EIF2AK4: variants seen among roughly 807,000 people sequenced by gnomAD.
The protein encoded by EIF2AK4 is eIF-2-alpha kinase GCN2.
A neutral mutation model predicts 211.1 loss-of-function variants in EIF2AK4; 139 were observed. The ratio of observed to expected loss-of-function variants is 0.66; its 90% confidence interval spans 0.57 to 0.76. The LOEUF (loss-of-function observed/expected upper bound fraction) is 0.76, where lower values mean the gene tolerates loss of function less well. EIF2AK4 is among the 30% of genes least tolerant of loss of function. The pLI, the probability that EIF2AK4 is intolerant of heterozygous loss-of-function variation, is 0.00. For missense variants in EIF2AK4, 1,664 were observed against 2,043.8 expected (o/e 0.81, Z 3.58); for synonymous variants, 710 against 751.3 (o/e 0.94, Z 0.90).
At chr15:39,987,057 C>T (rs2140925417) in intron 14 of EIF2AK4, among the ~76,000 whole-genome samples, 1 of 152,288 alleles carries the variant, frequency 6.6e-6, no homozygotes, top group South Asian at 2.1e-4. Context: ...ATTTGCTTTC[C>T]TGGAGTTGGA....
rs372637398 is a variant in EIF2AK4 at position 40,032,178 on chromosome 15, C to T, written c.4669C>T (p.Arg1557Ter). 16 of 1,613,798 alleles carry T rather than the reference C, an allele frequency of 9.9e-6. No individual in the cohort carries two copies. Among genetic ancestry groups the T allele is most frequent in the Non-Finnish European group, 1.4e-5 (16 of 1,179,814 alleles). Residue 1557 changes from arginine (R) to a stop codon, truncating the protein, a stop_gained, in exon 36 of 39, where the codon CGA becomes TGA. Coordinates refer to ENST00000263791, the MANE Select transcript of EIF2AK4 (RefSeq NM_001013703.4). LOFTEE classifies it high-confidence loss of function. ...TTTTCTTACTATTTAGGTACAAACTCGACTTCAGACCTCCCTTGCCAACTT... is the reference window on the plus strand; with the variant it reads ...TTTTCTTACTATTTAGGTACAAACTTGACTTCAGACCTCCCTTGCCAACTT... ...RRRYETQVQT[R>*]LQTSLANLHQ...
At chr15:40,017,393 A>G (rs1304950064) in intron 29 of EIF2AK4, 151 bp downstream of exon 29, 14 of 985,412 alleles carry the variant, frequency 1.4e-5, no homozygotes, top group African/African-American at 3.3e-5. Flanking sequence ...GAATAGAAAT[A>G]TAATGTGAAC....
intron 29 of EIF2AK4, among the ~76,000 whole-genome samples, chr15:40,018,691 ATTTAAC>A (rs1356948621): frequency 6.6e-6 from 1 of 152,236 alleles, no homozygotes; most frequent in Admixed American, 6.5e-5. Flanking sequence ...AATATATCTT[ATTTAAC>A]TTAGTATATC....
At chr15:39,991,971 C>A (rs927876120) in intron 16 of EIF2AK4, 3 of 472,480 alleles carry the variant, frequency 6.3e-6, no homozygotes, top group Admixed American at 7.2e-5. Context: ...TGATTGCCCC[C>A]CTCCCTCTTG....
intron 3 of EIF2AK4, among the ~76,000 whole-genome samples, chr15:39,946,275 ACAT>A (rs1478829536): frequency 6.6e-6 from 1 of 152,234 alleles, no homozygotes; most frequent in Non-Finnish European, 1.5e-5. Flanking sequence ...GGGGGTCAAA[ACAT>A]CAACATGAAC....
intron 18 of EIF2AK4, 31 bp downstream of exon 18, chr15:39,992,879 A>C: frequency 8.1e-6 from 13 of 1,600,244 alleles, no homozygotes; most frequent in Non-Finnish European, 1.0e-5. Flanking sequence ...AAGGAATCTC[A>C]AAATTAAGGT....
intron 27 of EIF2AK4, among the ~76,000 whole-genome samples, chr15:40,015,979 G>T (rs1439985857): frequency 6.6e-6 from 1 of 152,228 alleles, no homozygotes; most frequent in African/African-American, 2.4e-5. Context: ...CTGGCATCCA[G>T]GTGGGAGGAG....
In EIF2AK4 at chr15:39,985,786, T is replaced by C; in HGVS notation, c.2320-19T>C. ...TTTTGGCCTCCATTTTGAGTTATTG[T>C]GTGTTCGTCTTGGGTTAGGATGAAG... is the stretch of plus-strand genomic sequence containing the variant. On this transcript the variant is annotated intron_variant, in intron 13 of 38. Transcript: ENST00000263791. The C allele has an allele frequency of 2.5e-6, 4 of 1,613,612 alleles. No homozygotes were observed. The highest frequency in any genetic ancestry group is 2.2e-5 in the South Asian group (2 of 90,984).
chr15:39,945,927 T>G (rs2034221585), intron 3 of EIF2AK4, among the ~76,000 whole-genome samples: 1 of 152,198 alleles, frequency 6.6e-6, no homozygotes, highest in Non-Finnish European at 1.5e-5. Flanking sequence ...CTGAGTATTT[T>G]AAGATCATTG....
At chr15:39,978,757 G>T (rs568699261) in intron 13 of EIF2AK4, among the ~76,000 whole-genome samples, 7 of 152,200 alleles carry the variant, frequency 4.6e-5, no homozygotes, top group African/African-American at 1.7e-4. Context: ...TTTTGAGATT[G>T]TGCTGTTTTT....
At chr15:39,955,504 C>A (rs2034377370) in intron 5 of EIF2AK4, 116 bp from the exon 6 acceptor site, 2 of 1,018,464 alleles carry the variant, frequency 2.0e-6, no homozygotes, top group East Asian at 2.8e-5. Flanking sequence ...AATTTTATTT[C>A]ACTTGTAAAC....
rs558320996 is a variant in EIF2AK4, at chr15:39,987,871, C to T, written c.2404-112C>T. The T allele has an allele frequency of 1.0e-3, 1,239 of 1,214,240 alleles. 1 individual carries two copies. The highest frequency in any genetic ancestry group is 2.0e-3 in the Middle Eastern group (10 of 4,948). The allele number at this position is 1,214,240 out of a possible 1,614,324, so 75.2% of individuals were successfully genotyped here. A position where few individuals can be genotyped will look rare whatever the true frequency, so the allele number is the denominator to read the frequency against. On this transcript the variant is annotated intron_variant, in intron 14 of 38. Transcript: ENST00000263791. ...TAGAAAACCAAGTCTTTCCCCTAAC[C>T]GTTTAAAACCCATGGTACACGTTTT...
At chr15:39,989,250 T>G (rs188119974) in intron 15 of EIF2AK4, among the ~76,000 whole-genome samples, 47 of 152,354 alleles carry the variant, frequency 3.1e-4, no homozygotes, top group African/African-American at 1.1e-3. Flanking sequence ...GCTTACATTT[T>G]TAAAATGAGA....
intron 22 of EIF2AK4, 29 bp from the exon 23 acceptor site, chr15:40,003,164 G>T (rs199774603): frequency 1.3e-4 from 204 of 1,611,692 alleles, no homozygotes; most frequent in Non-Finnish European, 1.5e-4. Flanking sequence ...TGAACCTGAT[G>T]ATGAGCTATT....
chr15:39,958,162 A>G (rs1011352830), intron 6 of EIF2AK4, among the ~76,000 whole-genome samples: 2 of 152,232 alleles, frequency 1.3e-5, no homozygotes, highest in African/African-American at 4.8e-5. Context: ...TAGTCCCCCC[A>G]ACCCACTGCC....
intron 21 of EIF2AK4, 72 bp from the exon 22 acceptor site, chr15:40,002,641 C>A: frequency 2.6e-6 from 4 of 1,525,114 alleles, no homozygotes; most frequent in Non-Finnish European, 3.6e-6. Context: ...CTACTGCAAG[C>A]CACAGATTAA....
chr15:39,998,711 A>T lies in EIF2AK4; in HGVS notation c.2869-20A>T, dbSNP rs1186650540. Reference sequence around the variant, plus strand: ...GTGGCAGTCTGCCAAAACCTTGCTGATTTGAATATATTTTTTTAGCCCACT... The same window carrying T: ...GTGGCAGTCTGCCAAAACCTTGCTGTTTTGAATATATTTTTTTAGCCCACT... On this transcript the variant is annotated intron_variant, in intron 19 of 38. Coordinates refer to ENST00000263791, the MANE Select transcript of EIF2AK4 (RefSeq NM_001013703.4). 6.2e-7 allele frequency: 1 copy of T among 1,607,944 alleles called. No individual in the cohort carries two copies. Among genetic ancestry groups the T allele is most frequent in the Admixed American group, 1.7e-5 (1 of 59,648 alleles).
chr15:39,971,251 T>G (rs1177131350), intron 9 of EIF2AK4, among the ~76,000 whole-genome samples: 1 of 152,100 alleles, frequency 6.6e-6, no homozygotes, highest in African/African-American at 2.4e-5. Flanking sequence ...CAGCAGGGCG[T>G]GATACCTCAC....
chr15:40,032,854 C>G (rs2035561755), intron 37 of EIF2AK4, 53 bp downstream of exon 37: 1 of 1,531,256 alleles, frequency 6.5e-7, no homozygotes, highest in East Asian at 2.3e-5. Flanking sequence ...CAAATCTTTG[C>G]TATTAGTTTG....
Sources: gnomAD v4.1 joint callset for allele counts (sites outside exome capture counted in the v4.1 genomes callset) on GRCh38, gnomAD v4.1.1 for gene constraint, MANE v1.5 for transcripts, NCBI Gene and HGNC (gene_info 2026-07-23, HGNC 2026-07-21) for gene names.